The following TSHZ2 variants were observed in gnomAD, a reference collection of about 807,000 sequenced individuals.
TSHZ2 encodes teashirt zinc finger homeobox 2.
Under a neutral mutation model 74.4 loss-of-function variants are expected in TSHZ2, and 21 were observed. That is an observed-to-expected ratio of 0.28 (90% confidence interval 0.20 to 0.41). TSHZ2 has a LOEUF of 0.41. Among genes scored for constraint, TSHZ2 ranks in the 10% least tolerant of loss-of-function variants. The pLI, the probability that TSHZ2 is intolerant of heterozygous loss-of-function variation, is 1.00. For synonymous variants in TSHZ2, 540 were observed against 515.3 expected, an observed-to-expected ratio of 1.05 and a Z score of -0.65; for missense variants, 1,244 against 1,293.5, an observed-to-expected ratio of 0.96 and a Z score of 0.59.
chr20:53,356,128 T>C (rs1197765009), intron 2 of TSHZ2, among the ~76,000 whole-genome samples: 1 of 152,176 alleles, frequency 6.6e-6, no homozygotes, highest in African/African-American at 2.4e-5. Flanking sequence ...GAGATTTTAA[T>C]TGATGCTATG....
At chr20:53,316,171 G>A (rs1254676548) in intron 2 of TSHZ2, among the ~76,000 whole-genome samples, 2 of 152,186 alleles carry the variant, frequency 1.3e-5, no homozygotes, top group South Asian at 2.1e-4. Context: ...GAAGAGAAAG[G>A]AAAATGATGT....
intron 2 of TSHZ2, among the ~76,000 whole-genome samples, chr20:53,383,356 A>T (rs1365428710): frequency 6.6e-6 from 1 of 152,212 alleles, no homozygotes; most frequent in East Asian, 1.9e-4. Flanking sequence ...GTCTGTCATT[A>T]GCCTGAATAT....
intron 2 of TSHZ2, among the ~76,000 whole-genome samples, chr20:53,315,473 G>A (rs547607435): frequency 2.0e-5 from 3 of 152,340 alleles, no homozygotes; most frequent in South Asian, 4.1e-4. Context: ...TGAACTTTGT[G>A]TATAGGCGTG....
chr20:53,207,477 A>G (rs1034208391), intron 1 of TSHZ2, among the ~76,000 whole-genome samples: 1 of 152,116 alleles, frequency 6.6e-6, no homozygotes, highest in Non-Finnish European at 1.5e-5. Context: ...GTCAGTAGAG[A>G]GGAGATGCCC....
intron 2 of TSHZ2, among the ~76,000 whole-genome samples, chr20:53,320,145 C>CAGCAA (rs1979198751): frequency 6.6e-6 from 1 of 152,226 alleles, no homozygotes; most frequent in African/African-American, 2.4e-5. Flanking sequence ...TTGTGAACCT[C>CAGCAA]AGCAAAGCAC....
At chr20:53,122,236 C>T (rs1434322702) in intron 1 of TSHZ2, among the ~76,000 whole-genome samples, 1 of 146,208 alleles carries the variant, frequency 6.8e-6, no homozygotes, top group Non-Finnish European at 1.5e-5. Flanking sequence ...TGTGGTGAGC[C>T]AAGATCACGC....
chr20:53,265,826 A>C (rs1458816370), intron 2 of TSHZ2, among the ~76,000 whole-genome samples: 1 of 152,212 alleles, frequency 6.6e-6, no homozygotes, highest in Non-Finnish European at 1.5e-5. Context: ...AACCAGAAAG[A>C]CTTCTTCAGG....
Position 53,424,478 on chromosome 20 carries a change from A to G in TSHZ2, c.*9-62666A>G, listed in dbSNP as rs550870997. 2.6e-5 allele frequency among the ~76,000 whole-genome samples: 4 copies of G among 152,354 alleles called. No individual in the cohort carries two copies. In the South Asian group the frequency reaches 8.3e-4, roughly 32 times the overall value. The stretch of plus-strand genomic sequence containing the variant: ...GATATGTCTGTTTAAGTATACACAC[A>G]TGCACTTACATATGTAGCCATGTAT... On this transcript the variant is annotated intron_variant, in intron 2 of 2. Coordinates refer to ENST00000371497, the MANE Select transcript of TSHZ2 (RefSeq NM_173485.6).
chr20:53,005,647 T>G (rs1982614843), intron 1 of TSHZ2, among the ~76,000 whole-genome samples: 1 of 152,216 alleles, frequency 6.6e-6, no homozygotes, highest in Admixed American at 6.5e-5. Context: ...GGCAAGGCCC[T>G]GGAGAGGTAC....
chr20:53,191,861 A>C (rs1312248268), intron 1 of TSHZ2, among the ~76,000 whole-genome samples: 1 of 152,192 alleles, frequency 6.6e-6, no homozygotes. Flanking sequence ...AGGCATACAT[A>C]CACATGTGAT....
chr20:53,188,585 G>A (rs1988658177), intron 1 of TSHZ2, among the ~76,000 whole-genome samples: 1 of 152,196 alleles, frequency 6.6e-6, no homozygotes, highest in Non-Finnish European at 1.5e-5. Flanking sequence ...AGGGCTATGA[G>A]ACAGAATAAA....
intron 1 of TSHZ2, among the ~76,000 whole-genome samples, chr20:53,246,844 C>T (rs1990217807): frequency 6.6e-6 from 1 of 152,150 alleles, no homozygotes; most frequent in Non-Finnish European, 1.5e-5. Context: ...AACGATGGCC[C>T]AGGAAAGAAG....
chr20:53,253,817 A>G lies in TSHZ2; in HGVS notation c.359A>G (p.Asn120Ser), dbSNP rs772860713. ...GTCAGGCTTCCAAACGAAGCACACA[A>G]TTGCATGGATAAAATGACCGCTGTC... ...THVRLPNEAH[N>S]CMDKMTAVYA... The change falls in exon 2 of 3, where the codon AAT becomes AGT. Residue 120 changes from asparagine (N) to serine (S), a missense_variant. By Grantham distance (46) the Asn-to-Ser change is conservative. This residue lies in a region of TSHZ2 where 470 missense variants were observed against 456.5 expected (regional missense o/e 1.03). Transcript: ENST00000371497. 6.2e-6 allele frequency: 10 copies of G among 1,614,036 alleles called. No homozygotes were observed. The African/African-American group carries it at 1.2e-4, about 19-fold the overall frequency.
chr20:53,161,193 A>G (rs1318699499), intron 1 of TSHZ2, among the ~76,000 whole-genome samples: 1 of 146,752 alleles, frequency 6.8e-6, no homozygotes, highest in Non-Finnish European at 1.5e-5. Flanking sequence ...GTGGTATTTG[A>G]CTTGAGAGCT....
intron 1 of TSHZ2, among the ~76,000 whole-genome samples, chr20:53,018,495 G>C (rs747491403): frequency 6.6e-6 from 1 of 152,154 alleles, no homozygotes; most frequent in African/African-American, 2.4e-5. Context: ...GGGAGGGCAG[G>C]ACAGCAGATA....
intron 1 of TSHZ2, among the ~76,000 whole-genome samples, chr20:53,194,166 G>T (rs1016151312): frequency 6.6e-6 from 1 of 152,096 alleles, no homozygotes. Flanking sequence ...CCAGTTCCCC[G>T]AACTCTTCTG....
At chr20:53,469,046 TATATATATA>T (rs1485578085) in intron 2 of TSHZ2, among the ~76,000 whole-genome samples, 3 of 42,320 alleles carry the variant, frequency 7.1e-5, no homozygotes, top group African/African-American at 2.1e-4. Context: ...ATCGATATTT[TATATATATA>T]TATATATATA....
chr20:53,470,123 T>C (rs1985752556), intron 2 of TSHZ2, among the ~76,000 whole-genome samples: 2 of 152,200 alleles, frequency 1.3e-5, no homozygotes, highest in African/African-American at 2.4e-5. Flanking sequence ...TCTCAGTCTC[T>C]GTTGTCAACG....
At chr20:53,291,902 A>C (rs960432081) in intron 2 of TSHZ2, among the ~76,000 whole-genome samples, 1 of 152,004 alleles carries the variant, frequency 6.6e-6, no homozygotes, top group African/African-American at 2.4e-5. Context: ...CAGTCAAGTT[A>C]TTGGGATACT....
Sources: allele counts gnomAD v4.1 joint callset (sites outside exome capture counted in the v4.1 genomes callset), GRCh38; gene constraint gnomAD v4.1.1; regional missense constraint gnomAD v4.1.1; transcripts MANE v1.5; gene names NCBI Gene and HGNC (gene_info 2026-07-23, HGNC 2026-07-21).